FGF14: variants seen among roughly 807,000 people sequenced by gnomAD.
FGF14 encodes fibroblast growth factor homologous factor 4.
In FGF14, 5 loss-of-function variants were observed where a neutral mutation model predicts 25.5. That is an observed-to-expected ratio of 0.20 (90% CI 0.10 to 0.41). FGF14 has a LOEUF of 0.41. FGF14 is among the 10% of genes least tolerant of loss of function. The probability of loss-of-function intolerance (pLI) is 1.00; values close to 1 mark genes in which losing one functional copy is unlikely to be tolerated. For synonymous variants in FGF14, 138 were observed against 118.3 expected (o/e 1.17, Z -1.08); for missense variants, 222 against 320.1 (o/e 0.69, Z 2.34).
At chr13:102,102,882 C>A (rs775229414) in intron 1 of FGF14, among the ~76,000 whole-genome samples, 1 of 152,124 alleles carries the variant, frequency 6.6e-6, no homozygotes, top group Non-Finnish European at 1.5e-5. Flanking sequence ...CAACCTTTCT[C>A]CCCGCAGTAT....
intron 1 of FGF14, among the ~76,000 whole-genome samples, chr13:102,313,620 G>A (rs781716022): frequency 2.0e-5 from 3 of 152,118 alleles, no homozygotes; most frequent in Non-Finnish European, 2.9e-5. Flanking sequence ...AGGGGGGTAA[G>A]AGCTCAAAAC....
intron 1 of FGF14, among the ~76,000 whole-genome samples, chr13:101,895,397 A>G (rs540188948): frequency 2.6e-5 from 4 of 152,140 alleles, no homozygotes; most frequent in Non-Finnish European, 5.9e-5. Context: ...ATAAAGAAAT[A>G]CTTTATGTAT....
intron 3 of FGF14, among the ~76,000 whole-genome samples, chr13:101,867,196 T>C (rs935527644): frequency 1.3e-5 from 2 of 152,152 alleles, no homozygotes; most frequent in African/African-American, 4.8e-5. Context: ...CTTGTTTCTA[T>C]TCCTACTGCT....
At chr13:102,082,309 A>AT in intron 1 of FGF14, among the ~76,000 whole-genome samples, 1 of 150,326 alleles carries the variant, frequency 6.7e-6, no homozygotes, top group South Asian at 2.1e-4. Context: ...CCTTAGCATT[A>AT]TAAAAAAAAC....
At chr13:101,935,597 C>G (rs1349403044) in intron 1 of FGF14, among the ~76,000 whole-genome samples, 1 of 152,146 alleles carries the variant, frequency 6.6e-6, no homozygotes, top group Admixed American at 6.5e-5. Context: ...TTCCTGCTGC[C>G]CTGTGAAGAG....
chr13:101,922,124 A>C (rs1482978721), intron 1 of FGF14, among the ~76,000 whole-genome samples: 1 of 152,206 alleles, frequency 6.6e-6, no homozygotes, highest in Non-Finnish European at 1.5e-5. Context: ...GGATTAAGAC[A>C]TTGGATATCT....
chr13:101,938,792 T>A (rs1007081754), intron 1 of FGF14, among the ~76,000 whole-genome samples: 3 of 152,210 alleles, frequency 2.0e-5, no homozygotes, highest in Non-Finnish European at 4.4e-5. Context: ...TTTTCCCCCA[T>A]AAGCTTCTTC....
chr13:101,725,035 C>T (rs2035318174), intron 4 of FGF14, among the ~76,000 whole-genome samples: 1 of 151,826 alleles, frequency 6.6e-6, no homozygotes, highest in African/African-American at 2.4e-5. Context: ...AATGACATAA[C>T]AGCCCTTTTG....
chr13:102,011,766 C>T (rs1349525577), intron 1 of FGF14, among the ~76,000 whole-genome samples: 1 of 152,118 alleles, frequency 6.6e-6, no homozygotes, highest in African/African-American at 2.4e-5. Flanking sequence ...GGTCATCAAG[C>T]TCTCAGAGTG....
intron 3 of FGF14, among the ~76,000 whole-genome samples, chr13:101,853,367 C>T (rs1209473443): frequency 6.6e-6 from 1 of 152,090 alleles, no homozygotes; most frequent in East Asian, 1.9e-4. Flanking sequence ...CCAACAAATT[C>T]TCTCTTCATA....
At chr13:101,882,261 T>C (rs542346640) in intron 1 of FGF14, among the ~76,000 whole-genome samples, 3 of 152,082 alleles carry the variant, frequency 2.0e-5, no homozygotes, top group Admixed American at 1.3e-4. Context: ...GTTAAACCTA[T>C]AGCAGACCGT....
chr13:102,163,461 G>C (rs776038297), intron 1 of FGF14, among the ~76,000 whole-genome samples: 1 of 152,116 alleles, frequency 6.6e-6, no homozygotes, highest in East Asian at 1.9e-4. Flanking sequence ...CTGCCATCGA[G>C]GAAGTTTAGA....
At chr13:101,900,343 T>A (rs1318172373) in intron 1 of FGF14, among the ~76,000 whole-genome samples, 1 of 152,050 alleles carries the variant, frequency 6.6e-6, no homozygotes, top group Non-Finnish European at 1.5e-5. Flanking sequence ...GAAGAAATTT[T>A]AATACAAAAA....
chr13:102,161,692 A>AT (rs1566765871), intron 1 of FGF14, among the ~76,000 whole-genome samples: 1,539 of 106,106 alleles, frequency 0.015, 54 homozygotes, highest in Non-Finnish European at 0.022. Flanking sequence ...GAAGAAGAAG[A>AT]AGAAGAAGAA....
At chr13:101,956,503 T>C (rs1461881598) in intron 1 of FGF14, among the ~76,000 whole-genome samples, 6 of 152,154 alleles carry the variant, frequency 3.9e-5, no homozygotes, top group Non-Finnish European at 5.9e-5. Flanking sequence ...AGTTTATTGC[T>C]GGCTTCCTCA....
At chr13:102,132,499 T>TTTTC (rs202191459) in intron 1 of FGF14, among the ~76,000 whole-genome samples, 3 of 146,594 alleles carry the variant, frequency 2.0e-5, no homozygotes, top group Non-Finnish European at 4.5e-5. Flanking sequence ...AAAGGCATAC[T>TTTTC]TTTCTTTCTT....
At chr13:101,808,191 T>C (rs2041305758) in intron 3 of FGF14, among the ~76,000 whole-genome samples, 1 of 152,046 alleles carries the variant, frequency 6.6e-6, no homozygotes, top group Non-Finnish European at 1.5e-5. Flanking sequence ...TGATTTGCAG[T>C]GTTAATTAAA....
rs578008033 is a variant in FGF14 at position 102,156,189 on chromosome 13, G to A, written c.208+245282C>T. ...CCAGCATCATCCTGATACCAAAGCC[G>A]GGCAGAGACACAACAAAAAAAAGAG... On this transcript the variant is annotated intron_variant, in intron 1 of 4. Coordinates refer to the FGF14 transcript ENST00000376131. Among the ~76,000 whole-genome samples, 5 of 151,852 alleles carry A rather than the reference G, an allele frequency of 3.3e-5. No individual in the cohort carries two copies. The East Asian group carries it at 5.8e-4, about 18-fold the overall frequency.
At chr13:101,819,719 T>C (rs2042017861) in intron 3 of FGF14, among the ~76,000 whole-genome samples, 1 of 152,214 alleles carries the variant, frequency 6.6e-6, no homozygotes, top group Non-Finnish European at 1.5e-5. Flanking sequence ...TTCCCAAAGT[T>C]ATTATAATAT....
Sources: allele counts gnomAD v4.1 joint callset (sites outside exome capture counted in the v4.1 genomes callset), GRCh38; gene constraint gnomAD v4.1.1; transcripts MANE v1.5; gene names NCBI Gene and HGNC (gene_info 2026-07-23, HGNC 2026-07-21).